NVL: variants seen among roughly 807,000 people sequenced by gnomAD.
The protein encoded by NVL is nuclear VCP like, also known as nuclear valosin-containing protein-like.
A neutral mutation model predicts 110.2 loss-of-function variants in NVL; 84 were observed. The ratio of observed to expected loss-of-function variants is 0.76; its 90% CI spans 0.64 to 0.91. NVL has a LOEUF of 0.91. Among genes scored for constraint, NVL ranks in the 40% least tolerant of loss-of-function variants. NVL has a pLI of 0.00. For synonymous variants in NVL, 354 were observed against 361.1 expected (o/e 0.98, Z 0.22); for missense variants, 882 against 1,035.9 (o/e 0.85, Z 2.04).
chr1:224,240,601 A>C (rs1267624702), intron 19 of NVL, among the ~76,000 whole-genome samples: 1 of 152,180 alleles, frequency 6.6e-6, no homozygotes, highest in Non-Finnish European at 1.5e-5. Context: ...ATCTTTTGTG[A>C]AAGAAAGCTC....
intron 19 of NVL, among the ~76,000 whole-genome samples, chr1:224,247,802 T>A (rs1211767101): frequency 2.0e-5 from 3 of 152,154 alleles, no homozygotes; most frequent in African/African-American, 7.2e-5. Flanking sequence ...TGAGCCACCA[T>A]GCCTGGCCTT....
At chr1:224,291,880 G>GT (rs1405216688) in intron 12 of NVL, among the ~76,000 whole-genome samples, 1 of 152,146 alleles carries the variant, frequency 6.6e-6, no homozygotes, top group African/African-American at 2.4e-5. Flanking sequence ...AAAAAAGTGG[G>GT]TATTTTTGGT....
intron 19 of NVL, among the ~76,000 whole-genome samples, chr1:224,240,261 G>T (rs899014707): frequency 6.6e-6 from 1 of 152,092 alleles, no homozygotes; most frequent in Admixed American, 6.6e-5. Flanking sequence ...TAGAGATGGG[G>T]TTTCACCATG....
chr1:224,233,221 T>C lies in NVL; in HGVS notation c.2435A>G (p.Gln812Arg). 1 of 1,613,078 alleles carries C rather than the reference T, an allele frequency of 6.2e-7. No homozygotes were observed. ...TGTACCTTTTTCATTTCCACTCTTCTGTCTTGCCATTTCCTGTCTCAGGGC... is the reference window on the plus strand; with the variant it reads ...TGTACCTTTTTCATTTCCACTCTTCCGTCTTGCCATTTCCTGTCTCAGGGC... The part of the protein sequence containing the change: ...ICALRQEMAR[Q>R]KSGNEKGELK... The change falls in exon 21 of 23, where the codon CAG (glutamine) becomes CGG (arginine). Residue 812 changes from glutamine (Q) to arginine (R), a missense_variant. Gln to Arg is a conservative substitution (Grantham distance 43). Transcript: ENST00000281701.
Position 224,311,790 on chromosome 1 carries a change from T to C in NVL, c.342+10A>G. 5 of 1,610,736 alleles carry C rather than the reference T, an allele frequency of 3.1e-6. No individual in the cohort carries two copies. The highest frequency in any genetic ancestry group is 4.2e-6 in the Non-Finnish European group (5 of 1,177,020). On this transcript the variant is annotated intron_variant, in intron 5 of 22. Transcript: ENST00000281701. Reference sequence around the variant, plus strand: ...AAAATCTAAGTGGACCCACTAAATGTTTGGCTTACCTGTGGATCTGGGTAG... The same window carrying C: ...AAAATCTAAGTGGACCCACTAAATGCTTGGCTTACCTGTGGATCTGGGTAG...
intron 13 of NVL, 111 bp from the exon 14 acceptor site, chr1:224,288,104 C>A: frequency 2.7e-6 from 2 of 733,846 alleles, no homozygotes; most frequent in Admixed American, 2.8e-5. Context: ...GTAAGCTATC[C>A]TGAACGTCTA....
chr1:224,300,671 G>A lies in NVL; in HGVS notation c.961-8C>T, dbSNP rs764381489. 8 of 1,603,148 alleles carry A rather than the reference G, an allele frequency of 5.0e-6. No individual in the cohort carries two copies. In the East Asian group the frequency reaches 1.8e-4, roughly 36 times the overall value. On this transcript the variant is annotated splice_polypyrimidine_tract_variant and splice_region_variant and intron_variant, in intron 9 of 22. Transcript: ENST00000281701. ...AATTGGCAGGTCAAGTTCCTATGCA[G>A]ACACATAAAAGAATAACCAAATATT...
intron 22 of NVL, among the ~76,000 whole-genome samples, chr1:224,229,970 T>C (rs1199547609): frequency 6.6e-6 from 1 of 152,120 alleles, no homozygotes; most frequent in Non-Finnish European, 1.5e-5. Flanking sequence ...TAGCTGGGAC[T>C]ACAGGTGCAT....
intron 22 of NVL, chr1:224,228,077 GC>G (rs1250734460): frequency 6.6e-6 from 1 of 152,504 alleles, no homozygotes; most frequent in Non-Finnish European, 1.5e-5. Flanking sequence ...AGTAGCTCCT[GC>G]TGACTAACTT....
intron 18 of NVL, among the ~76,000 whole-genome samples, chr1:224,263,363 A>G (rs1664170787): frequency 6.6e-6 from 1 of 152,242 alleles, no homozygotes; most frequent in Non-Finnish European, 1.5e-5. Flanking sequence ...CCTGGCACTT[A>G]GTAGGTGCTC....
intron 1 of NVL, among the ~76,000 whole-genome samples, chr1:224,327,850 A>T (rs1052400976): frequency 6.6e-6 from 1 of 151,576 alleles, no homozygotes; most frequent in African/African-American, 2.4e-5. Context: ...GGGACGCGGG[A>T]ACATCCAGAG....
At chr1:224,301,037 C>T (rs897271528) in intron 9 of NVL, among the ~76,000 whole-genome samples, 2 of 150,630 alleles carry the variant, frequency 1.3e-5, no homozygotes. Flanking sequence ...ACCTGGGAGG[C>T]GGAGGTTGTA....
At chr1:224,235,118 A>G (rs1396118056) in intron 20 of NVL, among the ~76,000 whole-genome samples, 1 of 151,520 alleles carries the variant, frequency 6.6e-6, no homozygotes, top group Non-Finnish European at 1.5e-5. Flanking sequence ...GCAGTAAACT[A>G]CTCAAGTAGT....
At chr1:224,244,310 T>C (rs1372839253) in intron 19 of NVL, among the ~76,000 whole-genome samples, 1 of 151,090 alleles carries the variant, frequency 6.6e-6, no homozygotes, top group East Asian at 2.0e-4. Context: ...GAGGTTGCAG[T>C]GAGCTGAGAT....
At chr1:224,291,292 G>A (rs528735970) in intron 12 of NVL, among the ~76,000 whole-genome samples, 3 of 152,068 alleles carry the variant, frequency 2.0e-5, no homozygotes, top group South Asian at 2.1e-4. Flanking sequence ...CGCAACCTCC[G>A]CCTCCCAGGT....
Position 224,232,205 on chromosome 1 carries a change from TAGTC to T in NVL, c.2456-913_2456-910del, listed in dbSNP as rs1344720424. ...CTACTAAAAATACAAAAAAAAAAAT[TAGTC>T]AGGTGTGGTGGCCGGCGCCTGTAAT... On this transcript the variant is annotated intron_variant, in intron 21 of 22. Coordinates refer to ENST00000281701, the MANE Select transcript of NVL (RefSeq NM_002533.4). 6 of 149,526 alleles carry T rather than the reference TAGTC, an allele frequency of 4.0e-5. No homozygotes were observed. The East Asian group carries it at 7.8e-4, about 20-fold the overall frequency. 9.3% of individuals were successfully genotyped at this position (149,526 alleles called of 1,614,324 possible). A position where few individuals can be genotyped will look rare whatever the true frequency, so the allele number is the denominator to read the frequency against.
chr1:224,287,688 C>T (rs1366585084), intron 14 of NVL, 87 bp downstream of exon 14: 19 of 1,093,208 alleles, frequency 1.7e-5, no homozygotes, highest in Non-Finnish European at 2.6e-5. Context: ...TCAGTTTAGC[C>T]ACAGAACCTA....
chr1:224,330,112 C>T lies in NVL; in HGVS notation c.16G>A (p.Ala6Thr). MKPRP[A>T]GFVDNKLKQR... ...TTGAGTTTATTATCCACGAACCCTG[C>T]AGGTCTGGGCTTCATCGCGTCGGTC... Residue 6 changes from alanine to threonine, a missense_variant, in exon 1 of 23, where the codon GCA (alanine) becomes ACA (threonine). Ala to Thr is a moderately conservative substitution (Grantham distance 58). Coordinates refer to ENST00000281701, the MANE Select transcript of NVL (RefSeq NM_002533.4). The T allele has an allele frequency of 6.2e-7, 1 of 1,614,058 alleles. No homozygotes were observed. Among genetic ancestry groups the T allele is most frequent in the Non-Finnish European group, 8.5e-7 (1 of 1,179,970 alleles).
Position 224,260,657 on chromosome 1 carries a change from T to C in NVL, c.2182+7377A>G, listed in dbSNP as rs1663863545. On this transcript the variant is annotated intron_variant, in intron 18 of 22. Coordinates refer to ENST00000281701, the MANE Select transcript of NVL (RefSeq NM_002533.4). ...GAATGAATCCCTGCCCTGCAGAAGC[T>C]TGCACATCTAATCATAATTTGCTTA... 2.6e-5 allele frequency among the ~76,000 whole-genome samples: 4 copies of C among 152,048 alleles called. No homozygotes were observed. In the South Asian group the frequency reaches 8.3e-4, roughly 31 times the overall value.
Sources: allele counts gnomAD v4.1 joint callset (sites outside exome capture counted in the v4.1 genomes callset), GRCh38; gene constraint gnomAD v4.1.1; transcripts MANE v1.5; gene names NCBI Gene and HGNC (gene_info 2026-07-23, HGNC 2026-07-21).